Variants in SNAP91 observed in about 807,000 individuals in gnomAD.
SNAP91 encodes clathrin coat assembly protein AP180.
SNAP91 carries 27 observed loss-of-function variants against 100.3 expected under a neutral mutation model. The ratio of observed to expected loss-of-function variants is 0.27; its 90% CI spans 0.20 to 0.37. The LOEUF is 0.37. SNAP91 is among the 10% of genes least tolerant of loss of function. The probability of loss-of-function intolerance (pLI) is 1.00; values close to 1 mark genes in which losing one functional copy is unlikely to be tolerated. For missense variants in SNAP91, 986 were observed against 1,123.7 expected (o/e 0.88, Z 1.75); for synonymous variants, 404 against 398.6 (o/e 1.01, Z -0.16).
intron 9 of SNAP91, among the ~76,000 whole-genome samples, chr6:83,621,108 G>A (rs933054659): frequency 4.6e-5 from 7 of 152,004 alleles, no homozygotes; most frequent in African/African-American, 1.4e-4. Flanking sequence ...ATGTCACAGG[G>A]GTACCACCTT....
At chr6:83,587,437 C>T (rs1170137967) in intron 22 of SNAP91, among the ~76,000 whole-genome samples, 2 of 152,092 alleles carry the variant, frequency 1.3e-5, no homozygotes, top group Admixed American at 1.3e-4. Flanking sequence ...TCTCTCTTCT[C>T]TCTCTTTGAT....
chr6:83,633,924 G>A (rs2097315828), intron 8 of SNAP91, among the ~76,000 whole-genome samples: 1 of 151,422 alleles, frequency 6.6e-6, no homozygotes, highest in Admixed American at 6.6e-5. Context: ...GACACAGGAA[G>A]GGGAACATCA....
chr6:83,701,153 AG>A (rs3839440), intron 2 of SNAP91, among the ~76,000 whole-genome samples: 47,291 of 152,004 alleles, frequency 0.31, 7,766 homozygotes, highest in East Asian at 0.6. Context: ...AAAGAATGAC[AG>A]GTTGGTTGTT....
intron 7 of SNAP91, among the ~76,000 whole-genome samples, chr6:83,647,207 A>G (rs2128610726): frequency 6.6e-6 from 1 of 152,158 alleles, no homozygotes; most frequent in East Asian, 1.9e-4. Flanking sequence ...TTACTGCATT[A>G]GCTAGAACTT....
chr6:83,567,437 AT>A (rs2127980998), intron 26 of SNAP91, among the ~76,000 whole-genome samples: 1 of 152,316 alleles, frequency 6.6e-6, no homozygotes, highest in Admixed American at 6.5e-5. Flanking sequence ...GGACATAGGC[AT>A]GGGCAAGGAC....
intron 2 of SNAP91, chr6:83,678,747 T>A: frequency 7.8e-7 from 1 of 1,289,592 alleles, no homozygotes. Context: ...CCCAGCATTA[T>A]CCCACCTCTT....
intron 2 of SNAP91, among the ~76,000 whole-genome samples, chr6:83,702,513 C>T (rs1017421345): frequency 6.6e-6 from 1 of 152,012 alleles, no homozygotes; most frequent in African/African-American, 2.4e-5. Flanking sequence ...GGCAATATAT[C>T]AAGAAATTTA....
At chr6:83,704,126 G>GAA (rs3839439) in intron 2 of SNAP91, among the ~76,000 whole-genome samples, 1 of 151,966 alleles carries the variant, frequency 6.6e-6, no homozygotes, top group East Asian at 1.9e-4. Flanking sequence ...ATACAAAATA[G>GAA]AAAAAACAGA....
At chr6:83,598,401 C>A (rs1338513894) in intron 16 of SNAP91, among the ~76,000 whole-genome samples, 1 of 151,960 alleles carries the variant, frequency 6.6e-6, no homozygotes, top group Admixed American at 6.6e-5. Context: ...ACTTGTGTAT[C>A]AATAAGAATA....
chr6:83,648,586 T>C (rs1054045654), intron 7 of SNAP91, among the ~76,000 whole-genome samples: 1 of 152,168 alleles, frequency 6.6e-6, no homozygotes, highest in African/African-American at 2.4e-5. Flanking sequence ...ATCAGATGTG[T>C]ATAGGAGTTC....
intron 2 of SNAP91, among the ~76,000 whole-genome samples, chr6:83,682,899 TTC>T (rs2128926745): frequency 6.6e-6 from 1 of 152,054 alleles, no homozygotes; most frequent in Non-Finnish European, 1.5e-5. Flanking sequence ...ATCTCACACC[TTC>T]TCTTTGTCTC....
rs148036896 is a variant in SNAP91, at chr6:83,599,520, G to A, written c.1324+1751C>T. On this transcript the variant is annotated intron_variant, in intron 16 of 29. Coordinates refer to ENST00000369694, the MANE Select transcript of SNAP91 (RefSeq NM_001242792.2). ...TAAGTGTATTACCTATTATTATTAT[G>A]GAACTTTCAAGCTAGAAGGACTTTA... Among the ~76,000 whole-genome samples, 103 of 152,148 alleles carry A rather than the reference G, an allele frequency of 6.8e-4. 1 individual carries two copies. The East Asian group carries it at 0.019, about 28-fold the overall frequency.
At chr6:83,675,992 G>A (rs1219033901) in intron 2 of SNAP91, among the ~76,000 whole-genome samples, 7 of 151,584 alleles carry the variant, frequency 4.6e-5, no homozygotes, top group African/African-American at 1.2e-4. Context: ...TCTACAAAAA[G>A]TCCTAGCTGC....
At chr6:83,638,099 G>A (rs2097537712) in intron 8 of SNAP91, among the ~76,000 whole-genome samples, 1 of 152,180 alleles carries the variant, frequency 6.6e-6, no homozygotes, top group African/African-American at 2.4e-5. Context: ...GGCCAGTAGA[G>A]AACAGGAACT....
At chr6:83,616,052 T>A (rs1371603048) in intron 10 of SNAP91, among the ~76,000 whole-genome samples, 1 of 152,194 alleles carries the variant, frequency 6.6e-6, no homozygotes, top group Non-Finnish European at 1.5e-5. Flanking sequence ...TAAATGGACA[T>A]AATGAAGTAT....
At chr6:83,690,367 T>G (rs776621809) in intron 2 of SNAP91, 58 of 1,288,442 alleles carry the variant, frequency 4.5e-5, no homozygotes, top group Non-Finnish European at 5.7e-5. Flanking sequence ...GTTGTATGAC[T>G]CAAAAGATGC....
intron 2 of SNAP91, among the ~76,000 whole-genome samples, chr6:83,679,491 G>T (rs934630476): frequency 7.9e-5 from 12 of 152,154 alleles, no homozygotes; most frequent in African/African-American, 2.9e-4. Flanking sequence ...GTCGACAGCA[G>T]CAGAAAGGCA....
At chr6:83,659,146 G>C in intron 5 of SNAP91, 54 bp from the exon 6 acceptor site, 7 of 1,331,052 alleles carry the variant, frequency 5.3e-6, no homozygotes, top group Non-Finnish European at 7.3e-6. Flanking sequence ...GACAATTCAA[G>C]ACCATATGAA....
At chr6:83,647,472 A>G (rs2097985155) in intron 7 of SNAP91, among the ~76,000 whole-genome samples, 1 of 152,022 alleles carries the variant, frequency 6.6e-6, no homozygotes, top group Admixed American at 6.6e-5. Flanking sequence ...TAGCTTATTG[A>G]TGTGGCAGAT....
Sources: gnomAD v4.1 joint callset for allele counts (sites outside exome capture counted in the v4.1 genomes callset) on GRCh38, gnomAD v4.1.1 for gene constraint, MANE v1.5 for transcripts, NCBI Gene and HGNC (gene_info 2026-07-23, HGNC 2026-07-21) for gene names.